The following SPEF2 variants were observed in gnomAD, a reference collection of about 807,000 sequenced individuals.
SPEF2 encodes the protein sperm flagellar and cilia associated 2, also known as sperm flagella and cilia-associated protein 2.
SPEF2 carries 187 observed loss-of-function variants against 224.6 expected under a neutral mutation model. The observed-to-expected ratio is 0.83, with a 90% CI of 0.74 to 0.94. The LOEUF (loss-of-function observed/expected upper bound fraction) is 0.94, where lower values mean the gene tolerates loss of function less well. SPEF2 is among the 40% of genes least tolerant of loss of function. The pLI is 0.00. For synonymous variants in SPEF2, 715 were observed against 707.3 expected (o/e 1.01, Z -0.17); for missense variants, 2,170 against 2,135.6 (o/e 1.02, Z -0.32).
chr5:35,760,287 TG>T (rs1751059799), intron 25 of SPEF2, among the ~76,000 whole-genome samples: 1 of 150,900 alleles, frequency 6.6e-6, no homozygotes, highest in Admixed American at 6.6e-5. Flanking sequence ...GGCATGAACC[TG>T]GGAGGCGGAG....
chr5:35,693,562 C>T (rs1754842620), intron 12 of SPEF2, among the ~76,000 whole-genome samples: 1 of 152,124 alleles, frequency 6.6e-6, no homozygotes, highest in Admixed American at 6.5e-5. Context: ...CTTCAGAATC[C>T]TTGATGTAGT....
chr5:35,713,783 A>G lies in SPEF2; in HGVS notation c.2914+897A>G, dbSNP rs113145616. On this transcript the variant is annotated intron_variant, in intron 20 of 36. Transcript: ENST00000356031. Reference sequence around the variant, plus strand: ...ATTTTATATATAGTATATATATTATATATAGTGTTATATATTTTATATATA... The same window carrying G: ...ATTTTATATATAGTATATATATTATGTATAGTGTTATATATTTTATATATA... Among the ~76,000 whole-genome samples, 33 of 26,898 alleles carry G rather than the reference A, an allele frequency of 1.2e-3. 2 individuals carry two copies. The highest frequency in any genetic ancestry group is 3.5e-3 in the African/African-American group (33 of 9,322). 17.6% of individuals were successfully genotyped at this position (26,898 alleles called of 152,430 possible).
At chr5:35,778,998 A>T in intron 29 of SPEF2, 119 bp from the exon 30 acceptor site, 2 of 595,542 alleles carry the variant, frequency 3.4e-6, no homozygotes, top group Non-Finnish European at 5.5e-6. Flanking sequence ...AAGCATGCAG[A>T]TGGAGTTGTC....
rs182811159 is a variant in SPEF2 at position 35,775,251 on chromosome 5, C to T, written c.4079-1006C>T. Among the ~76,000 whole-genome samples, 72 of 137,576 alleles carry T rather than the reference C, an allele frequency of 5.2e-4. 1 individual carries two copies. In the East Asian group the frequency reaches 0.012, roughly 24 times the overall value. 90.3% of individuals were successfully genotyped at this position (137,576 alleles called of 152,430 possible). A position where few individuals can be genotyped will look rare whatever the true frequency, so the allele number is the denominator to read the frequency against. ...TCCAGCCTGGGCAACATAGTGAGATCCTGTCTCAAAAAAAAATGTGATATT... is the reference window on the plus strand; with the variant it reads ...TCCAGCCTGGGCAACATAGTGAGATTCTGTCTCAAAAAAAAATGTGATATT... On this transcript the variant is annotated intron_variant, in intron 28 of 36. Transcript: ENST00000356031.
chr5:35,640,010 G>A (rs1237572961), intron 2 of SPEF2, among the ~76,000 whole-genome samples: 1 of 152,086 alleles, frequency 6.6e-6, no homozygotes, highest in African/African-American at 2.4e-5. Flanking sequence ...CTTCCAAAGA[G>A]AAGTATTGTT....
chr5:35,644,215 A>G, intron 3 of SPEF2, 140 bp from the exon 4 acceptor site: 1 of 643,484 alleles, frequency 1.6e-6, no homozygotes, highest in Admixed American at 3.6e-5. Flanking sequence ...GAGTAATTGG[A>G]ATGGGGTTTG....
Position 35,710,355 on chromosome 5 carries a change from C to T in SPEF2, c.2839+1234C>T, listed in dbSNP as rs1019252860. 26 of 740,382 alleles carry T rather than the reference C, an allele frequency of 3.5e-5. 1 individual carries two copies. The African/African-American group carries it at 3.9e-4, about 11-fold the overall frequency. The allele number at this position is 740,382 out of a possible 1,614,324, so 45.9% of individuals were successfully genotyped here. On this transcript the variant is annotated intron_variant, in intron 19 of 36. Transcript: ENST00000356031. ...GGCAGATCACCAGAAATCAGGAGTT[C>T]GAGACCCCGCTGGCCAACAGGGCAA...
intron 2 of SPEF2, among the ~76,000 whole-genome samples, chr5:35,635,170 T>A (rs926550162): frequency 1.3e-5 from 2 of 152,122 alleles, no homozygotes; most frequent in Admixed American, 1.3e-4. Flanking sequence ...GTCTTTGGGT[T>A]CTCAGATCTG....
chr5:35,789,648 G>A (rs989009956), intron 30 of SPEF2: 2 of 630,980 alleles, frequency 3.2e-6, no homozygotes, highest in South Asian at 1.9e-5. Flanking sequence ...CAGCCAAAAT[G>A]TGGTGAGGGC....
At chr5:35,747,456 A>G (rs750951369) in intron 23 of SPEF2, among the ~76,000 whole-genome samples, 10 of 152,196 alleles carry the variant, frequency 6.6e-5, no homozygotes, top group South Asian at 2.1e-4. Context: ...CACCTAACAC[A>G]TAAGGACTCA....
intron 30 of SPEF2, among the ~76,000 whole-genome samples, chr5:35,783,999 CAT>C (rs1289375272): frequency 6.6e-6 from 1 of 152,130 alleles, no homozygotes; most frequent in Non-Finnish European, 1.5e-5. Flanking sequence ...CTGAAGAGAA[CAT>C]AGTTTAGCAA....
intron 23 of SPEF2, among the ~76,000 whole-genome samples, chr5:35,742,167 A>G (rs1747755116): frequency 6.6e-6 from 1 of 152,192 alleles, no homozygotes. Flanking sequence ...TTTTATGACT[A>G]AAGGATATGA....
intron 8 of SPEF2, among the ~76,000 whole-genome samples, chr5:35,666,505 G>A (rs1750483997): frequency 9.8e-3 from 1 of 102 alleles, no homozygotes; most frequent in African/African-American, 0.038. Flanking sequence ...GGCTGTATCT[G>A]TAGAGGGTTG....
intron 19 of SPEF2, among the ~76,000 whole-genome samples, chr5:35,712,543 A>T (rs1580400406): frequency 6.6e-6 from 1 of 152,236 alleles, no homozygotes; most frequent in East Asian, 1.9e-4. Context: ...TTTATGATCA[A>T]ATCCACTACC....
intron 20 of SPEF2, among the ~76,000 whole-genome samples, chr5:35,722,650 AAC>A (rs2149638520): frequency 1.3e-5 from 1 of 74,238 alleles, no homozygotes; most frequent in African/African-American, 5.6e-5. Context: ...CCCACCCCAC[AAC>A]AGTCCCCAGA....
At chr5:35,720,660 T>C (rs1398488506) in intron 20 of SPEF2, among the ~76,000 whole-genome samples, 1 of 152,228 alleles carries the variant, frequency 6.6e-6, no homozygotes, top group South Asian at 2.1e-4. Context: ...TTATGATTGA[T>C]AGCATATACT....
intron 33 of SPEF2, among the ~76,000 whole-genome samples, chr5:35,798,271 C>G (rs1756952433): frequency 6.6e-6 from 1 of 151,950 alleles, no homozygotes; most frequent in Admixed American, 6.5e-5. Flanking sequence ...CGTGTCCAAC[C>G]AGGCCTTGTG....
intron 1 of SPEF2, 21 bp downstream of exon 1, chr5:35,618,076 G>A (rs1368857124): frequency 4.4e-6 from 7 of 1,573,202 alleles, no homozygotes; most frequent in South Asian, 1.2e-5. Context: ...ACGGCCAGGG[G>A]CGAGCGTCTG....
chr5:35,708,147 T>C (rs191348976), intron 18 of SPEF2, among the ~76,000 whole-genome samples: 1 of 152,296 alleles, frequency 6.6e-6, no homozygotes, highest in Non-Finnish European at 1.5e-5. Flanking sequence ...TTTATTCTTG[T>C]CATCCTTCCT....
Sources: allele counts gnomAD v4.1 joint callset (sites outside exome capture counted in the v4.1 genomes callset), GRCh38; gene constraint gnomAD v4.1.1; transcripts MANE v1.5; gene names NCBI Gene and HGNC (gene_info 2026-07-23, HGNC 2026-07-21).